PLCXD3: variants seen among roughly 807,000 people sequenced by gnomAD.
PLCXD3 encodes phosphatidylinositol specific phospholipase C X domain containing 3.
Under a neutral mutation model 25.5 loss-of-function variants are expected in PLCXD3, and 19 were observed. That is an observed-to-expected ratio of 0.75 (90% confidence interval 0.52 to 1.09). PLCXD3 has a LOEUF of 1.09. Among genes scored for constraint, PLCXD3 ranks in the 50% least tolerant of loss-of-function variants. The pLI is 0.00. For missense variants in PLCXD3, 411 were observed against 388.1 expected, an observed-to-expected ratio of 1.06 and a Z score of -0.50; for synonymous variants, 174 against 137.6, an observed-to-expected ratio of 1.26 and a Z score of -1.85.
At chr5:41,432,793 A>G (rs979355376) in intron 1 of PLCXD3, among the ~76,000 whole-genome samples, 3 of 152,336 alleles carry the variant, frequency 2.0e-5, no homozygotes, top group Non-Finnish European at 4.4e-5. Context: ...TTTTGCCTCA[A>G]ATAAATAGCC....
At position 41,381,969 on chromosome 5, in the gene PLCXD3, C is replaced by A. The variant is rs1745476187; in HGVS notation, c.669G>T (p.Glu223Asp). The part of the protein sequence containing the change: ...PAPWANTTDP[E>D]KLIQFLQASI... ...ATGCTTGAAGAAACTGGATCAGTTTCTCGGGGTCTGTGGTGTTGGCCCAGG... is the reference window on the plus strand; with the variant it reads ...ATGCTTGAAGAAACTGGATCAGTTTATCGGGGTCTGTGGTGTTGGCCCAGG... Residue 223 changes from glutamate (E) to aspartate (D), a missense_variant, in exon 2 of 3, where the codon GAG becomes GAT. Glu to Asp is a conservative substitution (Grantham distance 45). Coordinates refer to ENST00000377801, the MANE Select transcript of PLCXD3 (RefSeq NM_001005473.3). The A allele has an allele frequency of 3.1e-6, 5 of 1,613,498 alleles. No homozygotes were observed. The East Asian group carries it at 1.1e-4, about 36-fold the overall frequency.
intron 1 of PLCXD3, among the ~76,000 whole-genome samples, chr5:41,393,474 C>T (rs74416961): frequency 0.09 from 13,648 of 152,154 alleles, 840 homozygotes; most frequent in Non-Finnish European, 0.12. Context: ...AAAATATATC[C>T]TTCAAACATG....
chr5:41,374,449 C>T (rs368774142), intron 2 of PLCXD3, among the ~76,000 whole-genome samples: 2 of 152,154 alleles, frequency 1.3e-5, no homozygotes, highest in East Asian at 1.9e-4. Flanking sequence ...TAACATCATC[C>T]GAATAAATTA....
At chr5:41,464,598 T>A (rs982953187) in intron 1 of PLCXD3, among the ~76,000 whole-genome samples, 9 of 152,004 alleles carry the variant, frequency 5.9e-5, no homozygotes, top group African/African-American at 2.2e-4. Flanking sequence ...ATTGAAAAAA[T>A]ATCTATGGTA....
chr5:41,479,712 G>GGAGA (rs34722630), intron 1 of PLCXD3, among the ~76,000 whole-genome samples: 49 of 149,298 alleles, frequency 3.3e-4, no homozygotes, highest in Non-Finnish European at 5.5e-4. Flanking sequence ...CTGCTGAGAG[G>GGAGA]GAGAGAGAGA....
intron 1 of PLCXD3, among the ~76,000 whole-genome samples, chr5:41,406,371 A>C (rs10078334): frequency 0.57 from 86,079 of 151,928 alleles, 24,949 homozygotes; most frequent in South Asian, 0.71. Context: ...TGCCTATCTG[A>C]CAACTAAATT....
At chr5:41,359,918 C>T (rs534623384) in intron 2 of PLCXD3, among the ~76,000 whole-genome samples, 2 of 152,208 alleles carry the variant, frequency 1.3e-5, no homozygotes, top group South Asian at 4.1e-4. Flanking sequence ...CAATTATTTC[C>T]TCAAATATGT....
At chr5:41,411,426 G>A (rs998279637) in intron 1 of PLCXD3, among the ~76,000 whole-genome samples, 2 of 152,086 alleles carry the variant, frequency 1.3e-5, no homozygotes, top group African/African-American at 2.4e-5. Flanking sequence ...TTATTTCTTT[G>A]CTCTTCCTTC....
chr5:41,474,823 C>T (rs1196507544), intron 1 of PLCXD3, among the ~76,000 whole-genome samples: 1 of 152,174 alleles, frequency 6.6e-6, no homozygotes, highest in Admixed American at 6.5e-5. Flanking sequence ...GAATTAATCC[C>T]ATGTATCCTG....
At chr5:41,371,692 T>C (rs536837852) in intron 2 of PLCXD3, among the ~76,000 whole-genome samples, 1 of 152,290 alleles carries the variant, frequency 6.6e-6, no homozygotes, top group South Asian at 2.1e-4. Flanking sequence ...CACGTTCAAC[T>C]ACATGTTTGT....
At chr5:41,463,849 C>G (rs1747949336) in intron 1 of PLCXD3, among the ~76,000 whole-genome samples, 1 of 151,948 alleles carries the variant, frequency 6.6e-6, no homozygotes, top group Non-Finnish European at 1.5e-5. Flanking sequence ...CCAATCATAG[C>G]ATCACTTTCA....
At chr5:41,332,977 GA>G (rs1743872565) in intron 2 of PLCXD3, among the ~76,000 whole-genome samples, 1 of 152,054 alleles carries the variant, frequency 6.6e-6, no homozygotes, top group South Asian at 2.1e-4. Context: ...ATAGCTTTAG[GA>G]GATATACCTA....
At position 41,346,885 on chromosome 5, in the gene PLCXD3, C is replaced by T. The variant is rs150852792; in HGVS notation, c.813-33115G>A. Among the ~76,000 whole-genome samples the T allele has an allele frequency of 2.7e-4, 41 of 152,282 alleles. No individual in the cohort carries two copies. The East Asian group carries it at 7.7e-3, about 29-fold the overall frequency. Reference sequence around the variant, plus strand: ...AGATTTAACAGTTTGTTTATCCATTCAACTACCGAAGTACATCTTGTTTGC... The same window carrying T: ...AGATTTAACAGTTTGTTTATCCATTTAACTACCGAAGTACATCTTGTTTGC... On this transcript the variant is annotated intron_variant, in intron 2 of 2. Transcript: ENST00000377801.
At chr5:41,386,508 C>G (rs536194792) in intron 1 of PLCXD3, among the ~76,000 whole-genome samples, 1 of 152,082 alleles carries the variant, frequency 6.6e-6, no homozygotes, top group Non-Finnish European at 1.5e-5. Flanking sequence ...ATAATCCCTC[C>G]GCTTGAGTTT....
chr5:41,397,298 C>T (rs1007010404), intron 1 of PLCXD3, among the ~76,000 whole-genome samples: 5 of 152,146 alleles, frequency 3.3e-5, no homozygotes, highest in Non-Finnish European at 7.4e-5. Flanking sequence ...TCCAGCTGCC[C>T]CAGCTCTAGC....
At chr5:41,478,058 A>G (rs1369323110) in intron 1 of PLCXD3, among the ~76,000 whole-genome samples, 1 of 152,208 alleles carries the variant, frequency 6.6e-6, no homozygotes, top group African/African-American at 2.4e-5. Flanking sequence ...AGCAATGGCT[A>G]ACTACTATTC....
intron 1 of PLCXD3, among the ~76,000 whole-genome samples, chr5:41,399,981 A>T (rs925142672): frequency 1.3e-5 from 2 of 152,164 alleles, no homozygotes; most frequent in Non-Finnish European, 2.9e-5. Flanking sequence ...AGGAGCTCAA[A>T]CAGCTGTATA....
chr5:41,505,983 C>T (rs1749045339), intron 1 of PLCXD3, among the ~76,000 whole-genome samples: 2 of 152,212 alleles, frequency 1.3e-5, no homozygotes, highest in Admixed American at 1.3e-4. Flanking sequence ...CATAAAAGCC[C>T]TCTTTAGAGA....
chr5:41,502,252 T>C (rs1278935576), intron 1 of PLCXD3, among the ~76,000 whole-genome samples: 1 of 152,066 alleles, frequency 6.6e-6, no homozygotes, highest in Non-Finnish European at 1.5e-5. Flanking sequence ...GCATTGTGGG[T>C]TCAATGGTGG....
Sources: allele counts gnomAD v4.1 joint callset (sites outside exome capture counted in the v4.1 genomes callset), GRCh38; gene constraint gnomAD v4.1.1; transcripts MANE v1.5; gene names NCBI Gene and HGNC (gene_info 2026-07-23, HGNC 2026-07-21).